FGF14: variants seen among roughly 807,000 people sequenced by gnomAD.
FGF14 encodes the protein fibroblast growth factor 14.
Under a neutral mutation model 25.5 loss-of-function variants are expected in FGF14, and 5 were observed. The ratio of observed to expected loss-of-function variants is 0.20; its 90% CI spans 0.10 to 0.41. The LOEUF (loss-of-function observed/expected upper bound fraction) is 0.41, where lower values mean the gene tolerates loss of function less well. Ranked by LOEUF, FGF14 falls within the 10% of genes least tolerant of loss-of-function variation. FGF14 has a pLI of 1.00. For missense variants in FGF14, 222 were observed against 320.1 expected (o/e 0.69, Z 2.34); for synonymous variants, 138 against 118.3 (o/e 1.17, Z -1.08).
In FGF14 at chr13:102,159,421, G is replaced by T. The variant is rs188081058; in HGVS notation, c.208+242050C>A. On this transcript the variant is annotated intron_variant, in intron 1 of 4. Coordinates refer to the FGF14 transcript ENST00000376131. ...CGGCATCAGTACAGAGTACAAAAGT[G>T]GAAGACAGATGATAGAATTCCTCAT... Among the ~76,000 whole-genome samples the T allele has an allele frequency of 1.6e-3, 247 of 152,242 alleles. 1 individual carries two copies. The highest frequency in any genetic ancestry group is 5.5e-3 in the African/African-American group (229 of 41,546).
chr13:101,787,712 T>C (rs545622757), intron 3 of FGF14, among the ~76,000 whole-genome samples: 12 of 152,134 alleles, frequency 7.9e-5, no homozygotes, highest in Non-Finnish European at 1.5e-4. Context: ...CACCCATCCA[T>C]AGTGGTATGT....
At chr13:101,814,132 T>G (rs779557730) in intron 3 of FGF14, among the ~76,000 whole-genome samples, 1 of 152,248 alleles carries the variant, frequency 6.6e-6, no homozygotes, top group East Asian at 1.9e-4. Flanking sequence ...AAAAGCATGG[T>G]TTCCAGAACA....
At chr13:102,159,108 C>T (rs1385805430) in intron 1 of FGF14, among the ~76,000 whole-genome samples, 3 of 144,302 alleles carry the variant, frequency 2.1e-5, no homozygotes, top group African/African-American at 7.9e-5. Context: ...CCATTGCACT[C>T]CAGCATGGGT....
chr13:102,372,665 T>G (rs2057920713), intron 1 of FGF14, among the ~76,000 whole-genome samples: 1 of 151,370 alleles, frequency 6.6e-6, no homozygotes. Context: ...TCAGAATAGT[T>G]TTTTTTTTAT....
chr13:101,908,780 T>C (rs1407154726), intron 1 of FGF14, among the ~76,000 whole-genome samples: 1 of 152,134 alleles, frequency 6.6e-6, no homozygotes, highest in East Asian at 1.9e-4. Flanking sequence ...CCCGCATTGC[T>C]AAGTCAATCC....
intron 1 of FGF14, among the ~76,000 whole-genome samples, chr13:102,318,351 A>C (rs1356823235): frequency 6.6e-6 from 1 of 152,182 alleles, no homozygotes; most frequent in Non-Finnish European, 1.5e-5. Flanking sequence ...CTGGGCACTC[A>C]GATGTATTTG....
chr13:102,065,612 C>G (rs1305983344), intron 1 of FGF14, among the ~76,000 whole-genome samples: 2 of 152,014 alleles, frequency 1.3e-5, no homozygotes, highest in African/African-American at 4.8e-5. Flanking sequence ...TTTTCTATAG[C>G]ACACATTGTA....
chr13:101,763,819 C>G (rs1401013961), intron 3 of FGF14, among the ~76,000 whole-genome samples: 2 of 152,132 alleles, frequency 1.3e-5, no homozygotes, highest in Non-Finnish European at 1.5e-5. Flanking sequence ...GAGATTGCAC[C>G]ACTGCACTCC....
intron 4 of FGF14, among the ~76,000 whole-genome samples, chr13:101,724,782 T>C (rs982295569): frequency 9.9e-5 from 15 of 151,326 alleles, no homozygotes; most frequent in African/African-American, 3.6e-4. Context: ...ATAATCTCTG[T>C]CGTTATAGTA....
In FGF14 at chr13:101,712,628, T is replaced by A. The variant is rs1389227247; in HGVS notation, c.*10203A>T. 1 of 152,196 alleles carries A rather than the reference T, an allele frequency of 6.6e-6. No individual in the cohort carries two copies. The highest frequency in any genetic ancestry group is 1.9e-4 in the East Asian group (1 of 5,202). The allele number at this position is 152,196 out of a possible 1,614,324, so 9.4% of individuals were successfully genotyped here. On this transcript the variant is annotated 3_prime_UTR_variant, in exon 5 of 5. Transcript: ENST00000376143. ...ACAGCCAAATACTTCAAATAACTAA[T>A]TTTCCTTCACTCATGGAAATAAAAC...
intron 1 of FGF14, among the ~76,000 whole-genome samples, chr13:102,161,644 AAGAAG>A (rs2047727854): frequency 4.7e-4 from 8 of 17,024 alleles, no homozygotes; most frequent in South Asian, 5.3e-3. Context: ...GAAGAAGAAG[AAGAAG>A]AAGAAGAAGA....
At chr13:101,730,230 A>G (rs1445125788) in intron 3 of FGF14, among the ~76,000 whole-genome samples, 2 of 152,206 alleles carry the variant, frequency 1.3e-5, no homozygotes, top group East Asian at 1.9e-4. Flanking sequence ...TCGAAAAGTT[A>G]AGAACATGTC....
intron 1 of FGF14, among the ~76,000 whole-genome samples, chr13:102,276,323 ACACACG>A (rs1391005187): frequency 9.5e-5 from 11 of 115,340 alleles, no homozygotes; most frequent in South Asian, 3.0e-4. Flanking sequence ...ACACACACAC[ACACACG>A]TACGTGTGTG....
At chr13:102,242,455 C>T (rs1039991828) in intron 1 of FGF14, among the ~76,000 whole-genome samples, 1 of 152,010 alleles carries the variant, frequency 6.6e-6, no homozygotes, top group Non-Finnish European at 1.5e-5. Flanking sequence ...CTGGCAAGGG[C>T]TTTCTTGCTG....
At chr13:102,173,584 C>A (rs2048329691) in intron 1 of FGF14, among the ~76,000 whole-genome samples, 1 of 152,082 alleles carries the variant, frequency 6.6e-6, no homozygotes, top group Non-Finnish European at 1.5e-5. Flanking sequence ...ACCCAAATGT[C>A]CATCAACGGG....
chr13:102,173,194 T>C (rs901852682), intron 1 of FGF14, among the ~76,000 whole-genome samples: 1 of 152,068 alleles, frequency 6.6e-6, no homozygotes, highest in Non-Finnish European at 1.5e-5. Context: ...GGAATAGATA[T>C]CTCTCTGAAG....
chr13:102,325,419 T>A (rs2056392583), intron 1 of FGF14, among the ~76,000 whole-genome samples: 2 of 152,166 alleles, frequency 1.3e-5, no homozygotes, highest in Non-Finnish European at 2.9e-5. Flanking sequence ...TGTACTTCCT[T>A]TTCATGATCA....
intron 1 of FGF14, among the ~76,000 whole-genome samples, chr13:102,233,552 CCTG>C (rs2051183463): frequency 6.6e-6 from 1 of 152,108 alleles, no homozygotes; most frequent in Non-Finnish European, 1.5e-5. Flanking sequence ...TATAACAGAG[CCTG>C]CTACTAGGAA....
chr13:101,884,062 CAAAAAAAAAAA>C (rs11315735), intron 1 of FGF14, among the ~76,000 whole-genome samples: 1 of 37,840 alleles, frequency 2.6e-5, no homozygotes, highest in Non-Finnish European at 4.6e-5. Context: ...GACTCCATCT[CAAAAAAAAAAA>C]AAAAAAAAAA....
Sources: gnomAD v4.1 joint callset for allele counts (sites outside exome capture counted in the v4.1 genomes callset) on GRCh38, gnomAD v4.1.1 for gene constraint, MANE v1.5 for transcripts, NCBI Gene and HGNC (gene_info 2026-07-23, HGNC 2026-07-21) for gene names.